TLE5: variants seen among roughly 807,000 people sequenced by gnomAD.
TLE5 encodes the protein TLE family member 5, transcriptional modulator.
A neutral mutation model predicts 25.8 loss-of-function variants in TLE5; 7 were observed. That is an observed-to-expected ratio of 0.27 (90% CI 0.15 to 0.51). The LOEUF (loss-of-function observed/expected upper bound fraction) is 0.51, where lower values mean the gene tolerates loss of function less well. Among genes scored for constraint, TLE5 ranks in the 20% least tolerant of loss-of-function variants. TLE5 has a pLI of 0.97. For missense variants in TLE5, 149 were observed against 250.7 expected (o/e 0.59, Z 2.74); for synonymous variants, 132 against 110.5 (o/e 1.20, Z -1.22).
chr19:3,058,112 G>A (rs746682049), intron 2 of TLE5, among the ~76,000 whole-genome samples: 28 of 152,016 alleles, frequency 1.8e-4, no homozygotes, highest in Non-Finnish European at 3.7e-4. Context: ...GTGATGCTGC[G>A]GGGAGGGGAG....
At chr19:3,061,738 C>G (rs1037628255) in intron 1 of TLE5, among the ~76,000 whole-genome samples, 1 of 150,598 alleles carries the variant, frequency 6.6e-6, no homozygotes, top group Non-Finnish European at 1.5e-5. Context: ...TCCTCGGGGA[C>G]ACGCTCTTCC....
chr19:3,062,807 G>A (rs1014815353), upstream of TLE5: 10 of 1,550,158 alleles, frequency 6.5e-6, no homozygotes, highest in East Asian at 2.2e-4. Flanking sequence ...CGCGTGCCAC[G>A]GACGTGCTCT....
chr19:3,056,363 G>C lies in TLE5; in HGVS notation c.190-7C>G. The C allele has an allele frequency of 1.4e-6, 2 of 1,391,066 alleles. No individual in the cohort carries two copies. Among genetic ancestry groups the C allele is most frequent in the Non-Finnish European group, 1.9e-6 (2 of 1,045,664 alleles). 86.2% of individuals were successfully genotyped at this position (1,391,066 alleles called of 1,614,324 possible). A position where few individuals can be genotyped will look rare whatever the true frequency, so the allele number is the denominator to read the frequency against. On this transcript the variant is annotated splice_polypyrimidine_tract_variant and splice_region_variant and intron_variant, in intron 3 of 6. Coordinates refer to ENST00000327141, the MANE Select transcript of TLE5 (RefSeq NM_001130.6). Reference sequence around the variant, plus strand: ...CGTAGGACATCTCGTAGTACTGTATGGGGGAGAGAGAGGGGGAGCGGGAGA... The same window carrying C: ...CGTAGGACATCTCGTAGTACTGTATCGGGGAGAGAGAGGGGGAGCGGGAGA...
chr19:3,055,952 G>GT (rs2145257039), intron 4 of TLE5: 4 of 540,380 alleles, frequency 7.4e-6, no homozygotes, highest in East Asian at 6.1e-5. Context: ...TTAGAGTGAG[G>GT]TAAGTGCAGG....
intron 6 of TLE5, 36 bp from the exon 7 acceptor site, chr19:3,054,076 G>A (rs1443075468): frequency 6.4e-7 from 1 of 1,561,400 alleles, no homozygotes; most frequent in Non-Finnish European, 8.7e-7. Flanking sequence ...AGCTGCCTGG[G>A]GCCCACCTGT....
intron 3 of TLE5, chr19:3,057,312 T>C (rs2145259840): frequency 3.3e-6 from 1 of 299,038 alleles, no homozygotes; most frequent in East Asian, 8.0e-5. Flanking sequence ...GTTAAGCGTG[T>C]GGACGCTGGG....
intron 2 of TLE5, among the ~76,000 whole-genome samples, chr19:3,059,600 G>A (rs1477037837): frequency 1.3e-5 from 2 of 152,164 alleles, no homozygotes; most frequent in Non-Finnish European, 2.9e-5. Context: ...AGGATGGTCT[G>A]GCCACCCAGG....
chr19:3,055,945 G>C (rs891953124), intron 4 of TLE5: 1 of 544,200 alleles, frequency 1.8e-6, no homozygotes, highest in Admixed American at 3.2e-5. Flanking sequence ...CTGCAGCTTA[G>C]AGTGAGGTAA....
At chr19:3,061,791 C>T (rs1373550877) in intron 1 of TLE5, among the ~76,000 whole-genome samples, 1 of 149,796 alleles carries the variant, frequency 6.7e-6, no homozygotes, top group Middle Eastern at 3.5e-3. Flanking sequence ...CACAGGCCCC[C>T]AAAGGATCCC....
At chr19:3,056,435 A>T in intron 3 of TLE5, 79 bp from the exon 4 acceptor site, 4 of 502,980 alleles carry the variant, frequency 8.0e-6, no homozygotes, top group South Asian at 5.7e-5. Flanking sequence ...GAGATAGGGG[A>T]GTGGCAGAGA....
intron 1 of TLE5, among the ~76,000 whole-genome samples, chr19:3,061,875 T>C (rs575539333): frequency 3.2e-5 from 2 of 62,622 alleles, no homozygotes; most frequent in South Asian, 9.1e-4. Flanking sequence ...GCCCTGACTG[T>C]CCCGGCGGGT....
intron 1 of TLE5, 97 bp from the exon 2 acceptor site, chr19:3,061,354 C>A (rs574144886): frequency 6.7e-5 from 59 of 877,606 alleles, no homozygotes; most frequent in South Asian, 2.4e-4. Context: ...GCGGCGCCCC[C>A]CCTCCTGCCC....
Position 3,062,342 on chromosome 19 carries a change from C to G in TLE5, c.-142G>C. 1 of 977,918 alleles carries G rather than the reference C, an allele frequency of 1.0e-6. No homozygotes were observed. Among genetic ancestry groups the G allele is most frequent in the Non-Finnish European group, 1.2e-6 (1 of 826,468 alleles). The allele number at this position is 977,918 out of a possible 1,614,324, so 60.6% of individuals were successfully genotyped here. On this transcript the variant is annotated 5_prime_UTR_variant, in exon 1 of 7. Coordinates refer to ENST00000327141, the MANE Select transcript of TLE5 (RefSeq NM_001130.6). ...CCGCCGCCTCCCGCGCCCGGCCTCGCCCGCTTCCTGCGCCCCCTCCCCGCG... is the reference window on the plus strand; with the variant it reads ...CCGCCGCCTCCCGCGCCCGGCCTCGGCCGCTTCCTGCGCCCCCTCCCCGCG...
chr19:3,054,086 T>TCGGGGGGGGGCG, intron 6 of TLE5, 34 bp downstream of exon 6: 3 of 1,512,792 alleles, frequency 2.0e-6, no homozygotes, highest in South Asian at 1.2e-5. Flanking sequence ...GGCCCACCTG[T>TCGGGGGGGGGCG]CCCCCGCCCA....
chr19:3,061,223 G>C lies in TLE5; in HGVS notation c.62C>G (p.Thr21Ser). The C allele has an allele frequency of 6.2e-7, 1 of 1,613,794 alleles. No homozygotes were observed. Among genetic ancestry groups the C allele is most frequent in the Non-Finnish European group, 8.5e-7 (1 of 1,179,772 alleles). ...GATGCGGTCGCAGGAGTCCGAGGTG[G>C]TGAATTTGAGTTGCTGGGGTAGGTG... ...SSHLPQQLKF[T>S]TSDSCDRIKD... Residue 21 changes from threonine (T) to serine (S), a missense_variant, in exon 2 of 7, where the codon ACC (threonine) becomes AGC (serine). Thr to Ser is a moderately conservative substitution (Grantham distance 58). Coordinates refer to ENST00000327141, the MANE Select transcript of TLE5 (RefSeq NM_001130.6).
rs1014976381 is a variant in TLE5 at position 3,053,590 on chromosome 19, T to G, written c.*229A>C. ...CTTGCCTCACATGTCAGGGCAGGTA[T>G]CCACCTAACCAGGCTGCAGGGGAGG... On this transcript the variant is annotated 3_prime_UTR_variant, in exon 7 of 7. Coordinates refer to ENST00000327141, the MANE Select transcript of TLE5 (RefSeq NM_001130.6). 5 of 591,844 alleles carry G rather than the reference T, an allele frequency of 8.4e-6. No individual in the cohort carries two copies. In the South Asian group the frequency reaches 1.0e-4, roughly 12 times the overall value. The allele number at this position is 591,844 out of a possible 1,614,324, so 36.7% of individuals were successfully genotyped here. A position where few individuals can be genotyped will look rare whatever the true frequency, so the allele number is the denominator to read the frequency against.
intron 2 of TLE5, among the ~76,000 whole-genome samples, chr19:3,058,150 G>T (rs569157568): frequency 6.6e-6 from 1 of 152,162 alleles, no homozygotes; most frequent in South Asian, 2.1e-4. Flanking sequence ...CTGTAAGAAG[G>T]GGGTGATGAA....
intron 5 of TLE5, chr19:3,054,480 G>C: frequency 3.7e-6 from 2 of 544,444 alleles, no homozygotes; most frequent in Admixed American, 6.2e-5. Context: ...GAGTGAGCCC[G>C]GGAGAAACCC....
At chr19:3,059,978 G>C (rs567158528) in intron 2 of TLE5, among the ~76,000 whole-genome samples, 1 of 152,316 alleles carries the variant, frequency 6.6e-6, no homozygotes, top group South Asian at 2.1e-4. Flanking sequence ...ACGGTCTTGA[G>C]CACACAGGGA....
Sources: gnomAD v4.1 joint callset for allele counts (sites outside exome capture counted in the v4.1 genomes callset) on GRCh38, gnomAD v4.1.1 for gene constraint, MANE v1.5 for transcripts, NCBI Gene and HGNC (gene_info 2026-07-23, HGNC 2026-07-21) for gene names.